Variants in MECOM observed in about 807,000 individuals in gnomAD.
The protein encoded by MECOM is MDS1 and EVI1 complex locus.
A neutral mutation model predicts 116.3 loss-of-function variants in MECOM; 13 were observed. The ratio of observed to expected loss-of-function variants is 0.11; its 90% CI spans 0.07 to 0.18. MECOM has a LOEUF of 0.18. Among genes scored for constraint, MECOM ranks in the 10% least tolerant of loss-of-function variants. MECOM has a pLI of 1.00. For synonymous variants in MECOM, 528 were observed against 535.2 expected (o/e 0.99, Z 0.19); for missense variants, 1,299 against 1,509.0 (o/e 0.86, Z 2.31).
chr3:169,273,909 C>CTTTTT (rs545229387), intron 2 of MECOM, among the ~76,000 whole-genome samples: 14 of 117,086 alleles, frequency 1.2e-4, no homozygotes, highest in South Asian at 2.7e-4. Flanking sequence ...CTCTCCAAAG[C>CTTTTT]TTTTTTTTTT....
Position 169,090,098 on chromosome 3 carries a change from T to C in MECOM, c.3303A>G (p.Gly1101=), listed in dbSNP as rs777706418. ...GTAAATTACTTGTCACTGGTTCCTT[T>C]CCTGTTTTTCCAGTAATATCATTGT... ...DEDNDITGKT[G]KEPVTSNLHE... The change falls in exon 15 of 17, where the codon GGA becomes GGG. Residue 1101 remains glycine, a synonymous_variant. Transcript: ENST00000651503. The C allele has an allele frequency of 8.7e-6, 14 of 1,613,718 alleles. No homozygotes were observed. The highest frequency in any genetic ancestry group is 1.6e-4 in the Middle Eastern group (1 of 6,062).
intron 2 of MECOM, among the ~76,000 whole-genome samples, chr3:169,289,021 C>T (rs1378569649): frequency 6.6e-6 from 1 of 152,154 alleles, no homozygotes; most frequent in African/African-American, 2.4e-5. Context: ...TGGTGGACGT[C>T]GTTGCATTTA....
At chr3:169,464,234 G>C (rs1747915947) in intron 1 of MECOM, 1 of 152,152 alleles carries the variant, frequency 6.6e-6, no homozygotes, top group South Asian at 2.1e-4. Flanking sequence ...CAAAGCAGTT[G>C]AGACACGGAA....
intron 2 of MECOM, chr3:169,146,173 G>GA (rs1460593958): frequency 3.4e-5 from 36 of 1,072,728 alleles, no homozygotes; most frequent in Middle Eastern, 8.2e-4. Context: ...AGACTTTAGA[G>GA]AAAGGCCCTT....
intron 2 of MECOM, among the ~76,000 whole-genome samples, chr3:169,271,214 A>G (rs1758905587): frequency 1.3e-5 from 2 of 152,202 alleles, no homozygotes; most frequent in African/African-American, 4.8e-5. Flanking sequence ...CACTCCCTCT[A>G]CATCAAAGGA....
chr3:169,224,594 C>T (rs1752513672), intron 2 of MECOM, among the ~76,000 whole-genome samples: 2 of 152,202 alleles, frequency 1.3e-5, no homozygotes, highest in African/African-American at 2.4e-5. Flanking sequence ...GTAAACCTCA[C>T]AGTAAAAACT....
intron 2 of MECOM, chr3:169,147,383 T>TGTC: frequency 1.0e-6 from 1 of 985,508 alleles, no homozygotes; most frequent in Non-Finnish European, 1.2e-6. Flanking sequence ...TTTCATGAAC[T>TGTC]GTCTCTTTAA....
At chr3:169,429,725 C>A (rs1412013552) in intron 1 of MECOM, among the ~76,000 whole-genome samples, 1 of 152,118 alleles carries the variant, frequency 6.6e-6, no homozygotes, top group Non-Finnish European at 1.5e-5. Context: ...AGTTGCATAC[C>A]TTATACTGTG....
At chr3:169,366,172 A>G (rs921469703) in intron 2 of MECOM, among the ~76,000 whole-genome samples, 2 of 151,854 alleles carry the variant, frequency 1.3e-5, no homozygotes, top group Admixed American at 6.6e-5. Flanking sequence ...CCCTATACTG[A>G]ACTGGTTGGG....
chr3:169,413,996 G>A (rs556162929), intron 1 of MECOM, among the ~76,000 whole-genome samples: 83 of 152,364 alleles, frequency 5.4e-4, no homozygotes, highest in African/African-American at 1.9e-3. Flanking sequence ...TGCCTGCTCT[G>A]AAGAGAGCAG....
At chr3:169,436,077 C>A (rs956379850) in intron 1 of MECOM, among the ~76,000 whole-genome samples, 1 of 152,150 alleles carries the variant, frequency 6.6e-6, no homozygotes, top group East Asian at 1.9e-4. Flanking sequence ...ACATAAAAAA[C>A]AGACTACAAC....
chr3:169,551,426 A>C (rs1467479669), intron 1 of MECOM, among the ~76,000 whole-genome samples: 4 of 152,142 alleles, frequency 2.6e-5, no homozygotes, highest in Admixed American at 6.5e-5. Flanking sequence ...CACTCCTCAG[A>C]ATCAGAAACT....
At chr3:169,261,838 G>C (rs749898967) in intron 2 of MECOM, among the ~76,000 whole-genome samples, 1 of 152,214 alleles carries the variant, frequency 6.6e-6, no homozygotes, top group Non-Finnish European at 1.5e-5. Flanking sequence ...GCTGGGCAGT[G>C]CCCACCTGTG....
chr3:169,411,047 T>C (rs1267848569), intron 1 of MECOM, among the ~76,000 whole-genome samples: 1 of 152,168 alleles, frequency 6.6e-6, no homozygotes, highest in East Asian at 1.9e-4. Flanking sequence ...TATGAATATA[T>C]GCATATACAT....
chr3:169,320,171 C>T (rs1720606625), intron 2 of MECOM, among the ~76,000 whole-genome samples: 1 of 152,044 alleles, frequency 6.6e-6, no homozygotes, highest in Non-Finnish European at 1.5e-5. Context: ...AATGTATGTG[C>T]CTGTTAGGTC....
At chr3:169,442,411 A>C (rs1195352967) in intron 1 of MECOM, among the ~76,000 whole-genome samples, 3 of 152,216 alleles carry the variant, frequency 2.0e-5, no homozygotes, top group African/African-American at 7.2e-5. Context: ...AGTATGAATT[A>C]GAGAGTTTTA....
Position 169,307,525 on chromosome 3 carries a change from T to C in MECOM, c.375+73662A>G, listed in dbSNP as rs541933337. Among the ~76,000 whole-genome samples the C allele has an allele frequency of 7.2e-5, 11 of 152,250 alleles. No homozygotes were observed. In the South Asian group the frequency reaches 1.0e-3, roughly 14 times the overall value. ...TCAACACTGCAGCAAGCCATGATCA[T>C]GCCACTGCACTCCCATCTGAGCAAC... On this transcript the variant is annotated intron_variant, in intron 2 of 16. Transcript: ENST00000651503.
At chr3:169,107,421 T>C (rs781125968) in intron 10 of MECOM, among the ~76,000 whole-genome samples, 1 of 152,156 alleles carries the variant, frequency 6.6e-6, no homozygotes, top group Non-Finnish European at 1.5e-5. Flanking sequence ...TAGTTACACA[T>C]GAATTTGTAA....
At chr3:169,585,450 A>T (rs1765672050) in intron 1 of MECOM, among the ~76,000 whole-genome samples, 1 of 152,194 alleles carries the variant, frequency 6.6e-6, no homozygotes, top group Non-Finnish European at 1.5e-5. Flanking sequence ...TTATGTGTGT[A>T]TTTGGCTCAT....
Sources: gnomAD v4.1 joint callset for allele counts (sites outside exome capture counted in the v4.1 genomes callset) on GRCh38, gnomAD v4.1.1 for gene constraint, MANE v1.5 for transcripts, NCBI Gene and HGNC (gene_info 2026-07-23, HGNC 2026-07-21) for gene names.